DIAPH2: variants seen among roughly 807,000 people sequenced by gnomAD.
DIAPH2 encodes the protein protein diaphanous homolog 2.
Under a neutral mutation model 92.7 loss-of-function variants are expected in DIAPH2, and 35 were observed. The observed-to-expected ratio is 0.38, with a 90% CI of 0.29 to 0.50. The LOEUF (loss-of-function observed/expected upper bound fraction) is 0.50. Among genes scored for constraint, DIAPH2 ranks in the 20% least tolerant of loss-of-function variants. The pLI, the probability that DIAPH2 is intolerant of heterozygous loss-of-function variation, is 0.94. For synonymous variants in DIAPH2, 301 were observed against 280.4 expected (o/e 1.07, Z -0.73); for missense variants, 701 against 819.5 (o/e 0.86, Z 1.77).
chrX:96,880,424 T>G (rs947006200), intron 4 of DIAPH2, among the ~76,000 whole-genome samples: 1 of 111,893 alleles, frequency 8.9e-6, no homozygotes, highest in Non-Finnish European at 1.9e-5. Flanking sequence ...TGATTAACAC[T>G]TTCTACATTG....
chrX:97,050,959 A>G (rs2066516585), intron 17 of DIAPH2, among the ~76,000 whole-genome samples: 2 of 112,022 alleles, frequency 1.8e-5, no homozygotes, highest in African/African-American at 6.4e-5. Flanking sequence ...TAAAAGTATC[A>G]CTTTCTGTAA....
rs147981188 is a variant in DIAPH2, at chrX:97,568,657, A to G, written c.3242-30596A>G. Among the ~76,000 whole-genome samples the G allele has an allele frequency of 9.2e-3, 1,032 of 111,970 alleles. 9 individuals carry two copies. The highest frequency in any genetic ancestry group is 0.03 in the African/African-American group (932 of 30,833). On this transcript the variant is annotated intron_variant, in intron 26 of 26. Coordinates refer to ENST00000324765, the MANE Select transcript of DIAPH2 (RefSeq NM_006729.5). ...AACTTGAAAACTGTCTTGTGTAACA[A>G]AAGGAAAGGAGAACATCTGGGAGGA...
At chrX:96,997,139 AT>A (rs1417452837) in intron 17 of DIAPH2, among the ~76,000 whole-genome samples, 1 of 111,838 alleles carries the variant, frequency 8.9e-6, no homozygotes, top group Non-Finnish European at 1.9e-5. Flanking sequence ...TGTAAAAAAA[AT>A]CTTGGGATTA....
chrX:96,983,562 T>A (rs958409798), intron 17 of DIAPH2, among the ~76,000 whole-genome samples: 2 of 112,238 alleles, frequency 1.8e-5, no homozygotes, highest in African/African-American at 3.2e-5. Context: ...ATTTAGTGCC[T>A]ACCTATATCA....
At chrX:97,522,889 C>G (rs2071000736) in intron 26 of DIAPH2, among the ~76,000 whole-genome samples, 1 of 112,347 alleles carries the variant, frequency 8.9e-6, no homozygotes, top group Non-Finnish European at 1.9e-5. Context: ...AGCGGCAGTC[C>G]TGAACTAAGG....
At chrX:96,766,872 A>G (rs985444521) in intron 4 of DIAPH2, among the ~76,000 whole-genome samples, 4 of 112,295 alleles carry the variant, frequency 3.6e-5, no homozygotes, top group African/African-American at 1.3e-4. Context: ...TCACTATCCT[A>G]TATAAATTGT....
chrX:97,219,485 A>G (rs1259734480), intron 22 of DIAPH2, among the ~76,000 whole-genome samples: 1 of 111,917 alleles, frequency 8.9e-6, no homozygotes, highest in African/African-American at 3.2e-5. Flanking sequence ...CTACTTTAGA[A>G]AGTTTGAAAA....
intron 25 of DIAPH2, among the ~76,000 whole-genome samples, chrX:97,390,041 AG>A (rs987161497): frequency 2.7e-5 from 3 of 110,245 alleles, no homozygotes; most frequent in Non-Finnish European, 5.7e-5. Flanking sequence ...ACAGCAGTTA[AG>A]GGGAACTATA....
At chrX:97,061,656 A>G (rs1302431004) in intron 17 of DIAPH2, among the ~76,000 whole-genome samples, 1 of 108,795 alleles carries the variant, frequency 9.2e-6, no homozygotes, top group East Asian at 2.9e-4. Flanking sequence ...AAAAAAAAAA[A>G]TACAAAAATT....
chrX:97,220,425 G>C (rs1039397850), intron 22 of DIAPH2, among the ~76,000 whole-genome samples: 1 of 110,533 alleles, frequency 9.0e-6, no homozygotes, highest in Non-Finnish European at 1.9e-5. Context: ...AACTGAACTT[G>C]GGTTTTGAGG....
At chrX:96,741,847 A>G (rs926342744) in intron 3 of DIAPH2, among the ~76,000 whole-genome samples, 2 of 111,547 alleles carry the variant, frequency 1.8e-5, no homozygotes, top group Non-Finnish European at 3.8e-5. Flanking sequence ...AATTTGAAAC[A>G]CTTTTTATTT....
chrX:97,534,072 G>A (rs1196717897), intron 26 of DIAPH2, among the ~76,000 whole-genome samples: 2 of 98,893 alleles, frequency 2.0e-5, no homozygotes, highest in Non-Finnish European at 4.1e-5. Context: ...TTGTACTCTG[G>A]GTATACATAT....
chrX:97,390,237 T>G (rs2069644951), intron 25 of DIAPH2, among the ~76,000 whole-genome samples: 1 of 75,255 alleles, frequency 1.3e-5, no homozygotes, highest in Admixed American at 1.5e-4. Flanking sequence ...TTTTTTTTTT[T>G]GAGACAGGGT....
At chrX:97,000,060 TC>T (rs2066132763) in intron 17 of DIAPH2, among the ~76,000 whole-genome samples, 1 of 112,032 alleles carries the variant, frequency 8.9e-6, no homozygotes, top group South Asian at 3.8e-4. Context: ...CTTGGGTATT[TC>T]TTCATAGCAG....
chrX:97,030,991 A>G (rs2066369827), intron 17 of DIAPH2, among the ~76,000 whole-genome samples: 1 of 111,488 alleles, frequency 9.0e-6, no homozygotes, highest in Non-Finnish European at 1.9e-5. Context: ...ACTCGATTTG[A>G]TTTCCTGTTT....
intron 17 of DIAPH2, among the ~76,000 whole-genome samples, chrX:97,023,535 A>G (rs1375310167): frequency 2.7e-5 from 3 of 111,922 alleles, no homozygotes; most frequent in African/African-American, 9.8e-5. Flanking sequence ...AAGGTCACAC[A>G]GCTAGTAAGT....
At position 96,813,792 on chromosome X, in the gene DIAPH2, C is replaced by T. The variant is rs1010493562; in HGVS notation, c.447+55534C>T. On this transcript the variant is annotated intron_variant, in intron 4 of 26. Coordinates refer to ENST00000324765, the MANE Select transcript of DIAPH2 (RefSeq NM_006729.5). The stretch of plus-strand genomic sequence containing the variant: ...TGTCCTTCACTTATGAAGCTTAGTT[C>T]GGCTGGATATGAAATTCTGGGTTGA... Among the ~76,000 whole-genome samples, 76 of 111,527 alleles carry T rather than the reference C, an allele frequency of 6.8e-4. 1 individual carries two copies. Among genetic ancestry groups the T allele is most frequent in the African/African-American group, 1.8e-3 (55 of 30,691 alleles).
intron 17 of DIAPH2, among the ~76,000 whole-genome samples, chrX:96,989,062 A>G (rs2147846682): frequency 9.0e-6 from 1 of 111,485 alleles, no homozygotes; most frequent in Non-Finnish European, 1.9e-5. Flanking sequence ...CTTCTACTAA[A>G]TGGCTTTAAA....
chrX:97,004,437 A>G (rs1233970978), intron 17 of DIAPH2, among the ~76,000 whole-genome samples: 1 of 111,809 alleles, frequency 8.9e-6, no homozygotes, highest in Non-Finnish European at 1.9e-5. Context: ...CAATCCATCA[A>G]CATGGAATAT....
Sources: gnomAD v4.1 joint callset for allele counts (sites outside exome capture counted in the v4.1 genomes callset) on GRCh38, gnomAD v4.1.1 for gene constraint, MANE v1.5 for transcripts, NCBI Gene and HGNC (gene_info 2026-07-23, HGNC 2026-07-21) for gene names.